Variants in ACSF2 observed in about 807,000 individuals in gnomAD.
ACSF2 encodes the protein medium-chain acyl-CoA ligase ACSF2, mitochondrial.
A neutral mutation model predicts 79.3 loss-of-function variants in ACSF2; 52 were observed. The observed-to-expected ratio is 0.66, with a 90% CI of 0.53 to 0.83. The LOEUF is 0.83. Ranked by LOEUF, ACSF2 falls within the 40% of genes least tolerant of loss-of-function variation. The pLI is 0.00. For missense variants in ACSF2, 661 were observed against 803.3 expected, an observed-to-expected ratio of 0.82 and a Z score of 2.14; for synonymous variants, 283 against 312.6, an observed-to-expected ratio of 0.91 and a Z score of 1.00.
Position 50,474,552 on chromosome 17 carries a change from A to T in ACSF2, c.1848A>T (p.Ter616CysextTer12), listed in dbSNP as rs1431968873. The change falls in exon 16 of 16, where the codon TGA becomes TGT. Residue 616 changes from the stop codon to cysteine, a stop_lost. Coordinates refer to ENST00000300441, the MANE Select transcript of ACSF2 (RefSeq NM_025149.6). This position sits in a 1 kb window ranked among gnomAD's most constrained non-coding sequence, Gnocchi z 4.2. ...REQMERHLNL[*>C] ...AGATGGAACGACATCTAAATCTGTG[A>T]ATAAAGCAGCAGGCCTGTCCTGGCC... 6.2e-7 allele frequency: 1 copy of T among 1,614,014 alleles called. No individual in the cohort carries two copies. Among genetic ancestry groups the T allele is most frequent in the Non-Finnish European group, 8.5e-7 (1 of 1,180,002 alleles).
At chr17:50,468,801 T>C (rs757680255) in intron 10 of ACSF2, 10 of 1,547,542 alleles carry the variant, frequency 6.5e-6, no homozygotes, top group South Asian at 5.8e-5. Flanking sequence ...AGCAAGAGCA[T>C]TGGGCGGACC....
chr17:50,457,555 G>A (rs924019217), intron 1 of ACSF2, among the ~76,000 whole-genome samples: 4 of 152,208 alleles, frequency 2.6e-5, no homozygotes, highest in African/African-American at 9.6e-5. Flanking sequence ...GAGGAGCTGA[G>A]GTTGGTAGTT....
intron 12 of ACSF2, 54 bp downstream of exon 12, chr17:50,472,633 C>T (rs369578956): frequency 8.4e-6 from 13 of 1,544,436 alleles, no homozygotes; most frequent in Non-Finnish European, 1.1e-5. Flanking sequence ...GGCTGGAGGT[C>T]TTGAGGCTGA....
At position 50,463,750 on chromosome 17, in the gene ACSF2, C is replaced by A; in HGVS notation, c.1047-68C>A. The A allele has an allele frequency of 2.0e-6, 3 of 1,519,526 alleles. No individual in the cohort carries two copies. The highest frequency in any genetic ancestry group is 1.7e-5 in the Admixed American group (1 of 57,690). 94.1% of individuals were successfully genotyped at this position (1,519,526 alleles called of 1,614,324 possible). A position where few individuals can be genotyped will look rare whatever the true frequency, so the allele number is the denominator to read the frequency against. ...TATTCCCTTTGCTGCAGTTTCATGGCGGGGTGGGTGAGAACAGGGAGTTCC... is the reference window on the plus strand; with the variant it reads ...TATTCCCTTTGCTGCAGTTTCATGGAGGGGTGGGTGAGAACAGGGAGTTCC... On this transcript the variant is annotated intron_variant, in intron 8 of 15. Coordinates refer to ENST00000300441, the MANE Select transcript of ACSF2 (RefSeq NM_025149.6). This position sits in a 1 kb window ranked among gnomAD's most constrained non-coding sequence, Gnocchi z 4.6.
intron 1 of ACSF2, among the ~76,000 whole-genome samples, chr17:50,456,707 GACA>G (rs552155856): frequency 3.4e-4 from 52 of 151,116 alleles, no homozygotes; most frequent in Non-Finnish European, 7.1e-4. Context: ...ACTCCAGCCT[GACA>G]ACGAGAGCGA....
In ACSF2 at chr17:50,473,956, C is replaced by T. The variant is rs749779567; in HGVS notation, c.1680C>T (p.Asp560=). The change falls in exon 14 of 16, where the codon GAC becomes GAT. Residue 560 remains aspartate, a synonymous_variant. Coordinates refer to ENST00000300441, the MANE Select transcript of ACSF2 (RefSeq NM_025149.6). ...TTTGTGCCTGCATTCGGCTGAAGGACGGGGAGGAGACCACGGTGGAGGAGA... is the reference window on the plus strand; with the variant it reads ...TTTGTGCCTGCATTCGGCTGAAGGATGGGGAGGAGACCACGGTGGAGGAGA... ...EEICACIRLK[D]GEETTVEEIK... 8.4e-6 allele frequency: 13 copies of T among 1,550,612 alleles called. No homozygotes were observed. The East Asian group carries it at 1.2e-4, about 14-fold the overall frequency.
chr17:50,468,031 G>A, intron 10 of ACSF2: 1 of 1,571,718 alleles, frequency 6.4e-7, no homozygotes, highest in East Asian at 2.3e-5. Flanking sequence ...CCCACAGCCA[G>A]GAGCTCACCT....
In ACSF2 at chr17:50,434,432, A is replaced by G. The variant is rs1285405903; in HGVS notation, c.128+8043A>G. ...CTGGGTGCGGTGGCTCATGCCTGCA[A>G]TCCCAGCACTTTGGGAGGCTGAGGC... On this transcript the variant is annotated intron_variant, in intron 1 of 15. Coordinates refer to ENST00000300441, the MANE Select transcript of ACSF2 (RefSeq NM_025149.6). Among the ~76,000 whole-genome samples the G allele has an allele frequency of 4.6e-5, 7 of 152,062 alleles. No homozygotes were observed. The East Asian group carries it at 1.4e-3, about 29-fold the overall frequency.
At chr17:50,456,523 G>C (rs1166298000) in intron 1 of ACSF2, among the ~76,000 whole-genome samples, 2 of 149,096 alleles carry the variant, frequency 1.3e-5, no homozygotes, top group East Asian at 4.0e-4. Context: ...ACCTGAGGTC[G>C]GGAGTTTGAG....
At chr17:50,468,981 G>T (rs2032952152) in intron 10 of ACSF2, 1 of 1,369,278 alleles carries the variant, frequency 7.3e-7, no homozygotes, top group East Asian at 2.9e-5. Context: ...GGCTTAACTC[G>T]CTCGCGCCCA....
intron 1 of ACSF2, among the ~76,000 whole-genome samples, chr17:50,428,081 T>C (rs1320336066): frequency 6.6e-6 from 1 of 152,164 alleles, no homozygotes; most frequent in African/African-American, 2.4e-5. Flanking sequence ...CTCAGCACTT[T>C]GGAAAGCAGA....
chr17:50,443,310 A>G (rs115743238), intron 1 of ACSF2, among the ~76,000 whole-genome samples: 2,111 of 152,300 alleles, frequency 0.014, 52 homozygotes, highest in African/African-American at 0.049. Context: ...TAGATTCTCC[A>G]TGGCAGACCT....
chr17:50,470,142 T>C (rs1007715785), intron 10 of ACSF2: 5 of 152,398 alleles, frequency 3.3e-5, no homozygotes, highest in African/African-American at 1.2e-4. Context: ...GGGAGGAGGA[T>C]GGATGAGATC....
intron 10 of ACSF2, chr17:50,465,781 G>C: frequency 6.2e-7 from 1 of 1,613,892 alleles, no homozygotes; most frequent in South Asian, 1.1e-5. Flanking sequence ...GGCTGTCGAA[G>C]GGGAAGTTGG....
intron 1 of ACSF2, chr17:50,426,822 C>A: frequency 7.2e-7 from 1 of 1,393,418 alleles, no homozygotes; most frequent in Non-Finnish European, 9.8e-7. Context: ...ACTTAGCAGT[C>A]TCCTGTCTCC....
intron 1 of ACSF2, among the ~76,000 whole-genome samples, chr17:50,430,502 C>T (rs537300319): frequency 1.3e-5 from 2 of 152,244 alleles, no homozygotes; most frequent in South Asian, 4.1e-4. Flanking sequence ...CCTGTCTCTA[C>T]TAAAAATACA....
chr17:50,443,624 G>A (rs2031095348), intron 1 of ACSF2, among the ~76,000 whole-genome samples: 2 of 152,156 alleles, frequency 1.3e-5, no homozygotes, highest in African/African-American at 4.8e-5. Context: ...TTCCAGGCAC[G>A]CCCAGCACTA....
At position 50,461,995 on chromosome 17, in the gene ACSF2, G is replaced by A. The variant is rs114613017; in HGVS notation, c.508-189G>A. ...ATGTGATGCATATGTGTCTCAGGGT[G>A]TGGTGTGTGTGTCTCGGGGCTGGTA... On this transcript the variant is annotated intron_variant, in intron 4 of 15. Transcript: ENST00000300441. Among the ~76,000 whole-genome samples the A allele has an allele frequency of 9.1e-3, 1,389 of 151,832 alleles. 33 individuals carry two copies. The highest frequency in any genetic ancestry group is 0.031 in the African/African-American group (1,294 of 41,262).
intron 10 of ACSF2, chr17:50,468,995 A>T (rs1598433781): frequency 7.3e-7 from 1 of 1,361,510 alleles, no homozygotes; most frequent in African/African-American, 1.5e-5. Context: ...GCGCCCAGAG[A>T]TGCGCCCCCG....
Sources: allele counts gnomAD v4.1 joint callset (sites outside exome capture counted in the v4.1 genomes callset), GRCh38; gene constraint gnomAD v4.1.1; non-coding constraint Gnocchi (gnomAD v3.1); transcripts MANE v1.5; gene names NCBI Gene and HGNC (gene_info 2026-07-23, HGNC 2026-07-21).